PTPRN2: variants seen among roughly 807,000 people sequenced by gnomAD.
PTPRN2 encodes protein tyrosine phosphatase receptor type N2.
Under a neutral mutation model 118.8 loss-of-function variants are expected in PTPRN2, and 74 were observed. The ratio of observed to expected loss-of-function variants is 0.62; its 90% CI spans 0.52 to 0.76. The LOEUF is 0.76. Ranked by LOEUF, PTPRN2 falls within the 30% of genes least tolerant of loss-of-function variation. PTPRN2 has a pLI of 0.00. For missense variants in PTPRN2, 1,481 were observed against 1,394.4 expected (o/e 1.06, Z -0.99); for synonymous variants, 641 against 608.0 (o/e 1.05, Z -0.80).
At chr7:158,115,028 G>T (rs1816617451) in intron 9 of PTPRN2, among the ~76,000 whole-genome samples, 1 of 152,114 alleles carries the variant, frequency 6.6e-6, no homozygotes, top group Non-Finnish European at 1.5e-5. Flanking sequence ...CTAGGCAAGG[G>T]CACTGTCCCA....
chr7:157,685,583 C>T (rs1346175438), intron 12 of PTPRN2, among the ~76,000 whole-genome samples: 1 of 151,758 alleles, frequency 6.6e-6, no homozygotes, highest in Admixed American at 6.5e-5. Flanking sequence ...GCCTGGTCTG[C>T]GGGCGGCAGG....
At chr7:157,844,814 A>G (rs963544371) in intron 12 of PTPRN2, among the ~76,000 whole-genome samples, 4 of 152,206 alleles carry the variant, frequency 2.6e-5, no homozygotes, top group African/African-American at 9.6e-5. Flanking sequence ...CTGACGAGAT[A>G]GCAGTATGTT....
In PTPRN2 at chr7:157,787,924, A is replaced by G. The variant is rs61168038; in HGVS notation, c.1789-104987T>C. 0.018 allele frequency among the ~76,000 whole-genome samples: 2,812 copies of G among 152,150 alleles called. 78 individuals are homozygous for G. Among genetic ancestry groups the G allele is most frequent in the South Asian group, 0.12 (603 of 4,826 alleles). On this transcript the variant is annotated intron_variant, in intron 12 of 22. Transcript: ENST00000389418. The surrounding 1 kb of genome is among the most constrained non-coding windows in gnomAD (Gnocchi z 5.3). ...ACATCGACGTCCCCAAGACACTGAC[A>G]GGCCTGGAGGTCTGGACAATGGGGA... is the stretch of plus-strand genomic sequence containing the variant.
At chr7:158,395,217 A>AATC (rs1812254050) in intron 2 of PTPRN2, among the ~76,000 whole-genome samples, 1 of 148,878 alleles carries the variant, frequency 6.7e-6, no homozygotes, top group Non-Finnish European at 1.5e-5. Flanking sequence ...GCTAGATGGC[A>AATC]CGCAGGCGCG....
At chr7:158,486,722 T>A (rs1821059887) in intron 2 of PTPRN2, among the ~76,000 whole-genome samples, 1 of 152,362 alleles carries the variant, frequency 6.6e-6, no homozygotes, top group East Asian at 1.9e-4. Context: ...TTACGTTAAA[T>A]GAGCATGTGC....
intron 16 of PTPRN2, among the ~76,000 whole-genome samples, chr7:157,595,628 T>G (rs1801282909): frequency 1.3e-5 from 2 of 148,792 alleles, no homozygotes; most frequent in Non-Finnish European, 3.0e-5. Flanking sequence ...AGCCAGGAGG[T>G]TAGGAAGCCT....
At chr7:157,566,864 C>T (rs752842928) in intron 21 of PTPRN2, among the ~76,000 whole-genome samples, 31 of 152,334 alleles carry the variant, frequency 2.0e-4, no homozygotes, top group Non-Finnish European at 3.5e-4. Context: ...TGGAGACGCA[C>T]GCTGGGGTCA....
intron 9 of PTPRN2, among the ~76,000 whole-genome samples, chr7:158,111,922 C>T (rs1446886091): frequency 6.6e-6 from 1 of 152,204 alleles, no homozygotes; most frequent in Admixed American, 6.5e-5. Flanking sequence ...AACCCTAAGC[C>T]AATATCACTG....
intron 10 of PTPRN2, among the ~76,000 whole-genome samples, chr7:158,089,671 A>AC (rs1452445705): frequency 1.5e-4 from 21 of 140,770 alleles, no homozygotes; most frequent in African/African-American, 5.4e-4. Flanking sequence ...GTCTTCACAC[A>AC]AACCTTCTTC....
intron 2 of PTPRN2, among the ~76,000 whole-genome samples, chr7:158,363,333 C>T (rs1479726718): frequency 2.0e-5 from 3 of 152,138 alleles, no homozygotes; most frequent in Non-Finnish European, 4.4e-5. Flanking sequence ...TGGGAGGATG[C>T]TCGGTTGCTT....
At chr7:158,158,855 C>T (rs1167672658) in intron 6 of PTPRN2, among the ~76,000 whole-genome samples, 5 of 95,932 alleles carry the variant, frequency 5.2e-5, no homozygotes, top group African/African-American at 6.0e-5. Context: ...GCCGGGACTT[C>T]GCAAGGGCTT....
intron 8 of PTPRN2, among the ~76,000 whole-genome samples, chr7:158,135,556 A>C (rs998201264): frequency 3.9e-5 from 6 of 152,186 alleles, no homozygotes; most frequent in African/African-American, 9.7e-5. Context: ...CTGAGTCAGA[A>C]TTCCACGCAT....
chr7:158,146,992 A>C (rs13306854), intron 6 of PTPRN2, among the ~76,000 whole-genome samples: 59 of 44,020 alleles, frequency 1.3e-3, no homozygotes, highest in South Asian at 4.6e-3. Flanking sequence ...TTCCCCCTCA[A>C]TGACACCCCA....
intron 12 of PTPRN2, among the ~76,000 whole-genome samples, chr7:157,710,757 G>A (rs57929406): frequency 3.5e-5 from 4 of 114,798 alleles, no homozygotes; most frequent in East Asian, 4.4e-4. Flanking sequence ...CCCTCAGCCC[G>A]CCCATGTGCA....
chr7:158,312,921 CAT>C (rs1347725549), intron 3 of PTPRN2, among the ~76,000 whole-genome samples: 3 of 150,828 alleles, frequency 2.0e-5, no homozygotes, highest in Non-Finnish European at 3.0e-5. Flanking sequence ...GGGATGTCTA[CAT>C]GTCAGCATGT....
intron 11 of PTPRN2, among the ~76,000 whole-genome samples, chr7:158,005,642 G>C (rs955465680): frequency 6.6e-6 from 1 of 152,184 alleles, no homozygotes; most frequent in Non-Finnish European, 1.5e-5. Flanking sequence ...GCAGGGGGAG[G>C]TGCAGGGCAG....
At chr7:157,724,093 G>A (rs1799394760) in intron 12 of PTPRN2, among the ~76,000 whole-genome samples, 3 of 149,822 alleles carry the variant, frequency 2.0e-5, no homozygotes, top group Admixed American at 6.6e-5. Context: ...GTGTGCTGGT[G>A]TGGGTGGAAT....
chr7:158,259,209 T>C (rs896502658), intron 3 of PTPRN2, among the ~76,000 whole-genome samples: 3 of 152,088 alleles, frequency 2.0e-5, no homozygotes, highest in Non-Finnish European at 2.9e-5. Context: ...GATGCACAAA[T>C]AAATGACAAA....
chr7:157,559,145 C>T (rs1349886831), intron 21 of PTPRN2, among the ~76,000 whole-genome samples: 1 of 152,236 alleles, frequency 6.6e-6, no homozygotes, highest in Non-Finnish European at 1.5e-5. Flanking sequence ...CTGCAGCACC[C>T]TGACTCCATC....
Sources: gnomAD v4.1 joint callset for allele counts (sites outside exome capture counted in the v4.1 genomes callset) on GRCh38, gnomAD v4.1.1 for gene constraint, Gnocchi (gnomAD v3.1) non-coding constraint, MANE v1.5 for transcripts, NCBI Gene and HGNC (gene_info 2026-07-23, HGNC 2026-07-21) for gene names.